Variants in MCC observed in about 807,000 individuals in gnomAD.
MCC encodes MCC regulator of Wnt signaling pathway, also known as colorectal mutant cancer protein.
MCC carries 90 observed loss-of-function variants against 116.2 expected under a neutral mutation model. The observed-to-expected ratio is 0.77, with a 90% CI of 0.65 to 0.92. The LOEUF is 0.92. MCC is among the 40% of genes least tolerant of loss of function. The pLI, the probability that MCC is intolerant of heterozygous loss-of-function variation, is 0.00. For synonymous variants in MCC, 578 were observed against 510.5 expected (o/e 1.13, Z -1.78); for missense variants, 1,516 against 1,312.2 (o/e 1.16, Z -2.40).
At chr5:113,100,520 G>A (rs1205234044) in intron 8 of MCC, among the ~76,000 whole-genome samples, 1 of 126,134 alleles carries the variant, frequency 7.9e-6, no homozygotes. Context: ...CGCCCAGGCT[G>A]GAGTGCAGTG....
intron 3 of MCC, among the ~76,000 whole-genome samples, chr5:113,216,189 G>A (rs943593670): frequency 2.0e-5 from 3 of 152,100 alleles, no homozygotes; most frequent in Admixed American, 1.3e-4. Flanking sequence ...CATATACCCT[G>A]CAAAAACTGT....
At chr5:113,427,396 A>G (rs1770513070) in intron 1 of MCC, among the ~76,000 whole-genome samples, 1 of 152,220 alleles carries the variant, frequency 6.6e-6, no homozygotes, top group East Asian at 1.9e-4. Context: ...CATGGAAGAA[A>G]CATACTGTTG....
At chr5:113,203,145 C>G (rs770565950) in intron 3 of MCC, 5 of 152,286 alleles carry the variant, frequency 3.3e-5, no homozygotes, top group Non-Finnish European at 7.3e-5. Context: ...AGGGCTCCCT[C>G]TTGCCCCACC....
At chr5:113,293,710 A>C (rs1720489680) in intron 3 of MCC, among the ~76,000 whole-genome samples, 1 of 152,188 alleles carries the variant, frequency 6.6e-6, no homozygotes, top group African/African-American at 2.4e-5. Context: ...CAGGAATTGC[A>C]AATGCGCTTG....
chr5:113,128,111 T>C (rs763426519), intron 5 of MCC, among the ~76,000 whole-genome samples: 1 of 152,274 alleles, frequency 6.6e-6, no homozygotes, highest in Non-Finnish European at 1.5e-5. Flanking sequence ...CTTACTATGC[T>C]ATCTAGACTT....
At chr5:113,154,201 T>C (rs965867499) in intron 3 of MCC, among the ~76,000 whole-genome samples, 5 of 152,246 alleles carry the variant, frequency 3.3e-5, no homozygotes, top group African/African-American at 1.2e-4. Flanking sequence ...GTGACTGTTT[T>C]CTGCATATGC....
chr5:113,074,747 G>A (rs566483733), intron 11 of MCC, among the ~76,000 whole-genome samples: 1 of 152,356 alleles, frequency 6.6e-6, no homozygotes, highest in Admixed American at 6.5e-5. Context: ...GCATGCAAAA[G>A]CTTCAGTAGC....
intron 3 of MCC, among the ~76,000 whole-genome samples, chr5:113,297,561 T>C (rs1345245151): frequency 1.3e-5 from 2 of 149,318 alleles, no homozygotes; most frequent in Non-Finnish European, 3.0e-5. Context: ...TGAGACACCA[T>C]CTCAAAAAAA....
intron 5 of MCC, among the ~76,000 whole-genome samples, chr5:113,126,244 C>T (rs1229195208): frequency 6.6e-6 from 1 of 152,208 alleles, no homozygotes; most frequent in East Asian, 1.9e-4. Context: ...AGATTGTACA[C>T]TTGCCTATGT....
chr5:113,109,251 G>C (rs1581079894), intron 6 of MCC, among the ~76,000 whole-genome samples: 1 of 152,174 alleles, frequency 6.6e-6, no homozygotes, highest in East Asian at 1.9e-4. Flanking sequence ...GTAGCCAAAA[G>C]GTGGAAGTAG....
chr5:113,053,124 C>A (rs1013238838), intron 15 of MCC, among the ~76,000 whole-genome samples: 2 of 152,172 alleles, frequency 1.3e-5, no homozygotes, highest in Non-Finnish European at 2.9e-5. Context: ...GGGACACCAG[C>A]TTTCCAAGAA....
chr5:113,050,390 C>T (rs1752410379), intron 15 of MCC, among the ~76,000 whole-genome samples: 1 of 152,128 alleles, frequency 6.6e-6, no homozygotes, highest in South Asian at 2.1e-4. Flanking sequence ...TTCTCACAAC[C>T]CCCGAAGTCA....
chr5:113,065,108 G>A lies in MCC; in HGVS notation c.2030-941C>T, dbSNP rs1180536070. ...CAGTGAAGCTACTCTGTATGATACTGTAACCGTGGACTCAAGTTGTTATAC... is the reference window on the plus strand; with the variant it reads ...CAGTGAAGCTACTCTGTATGATACTATAACCGTGGACTCAAGTTGTTATAC... On this transcript the variant is annotated intron_variant, in intron 13 of 18. Transcript: ENST00000408903. Among the ~76,000 whole-genome samples, 4 of 152,192 alleles carry A rather than the reference G, an allele frequency of 2.6e-5. No individual in the cohort carries two copies. In the South Asian group the frequency reaches 6.2e-4, roughly 24 times the overall value.
intron 1 of MCC, among the ~76,000 whole-genome samples, chr5:113,429,446 C>T (rs150456055): frequency 6.6e-6 from 1 of 152,296 alleles, no homozygotes; most frequent in African/African-American, 2.4e-5. Flanking sequence ...ATTTAAACCA[C>T]CTAGTCTATG....
intron 3 of MCC, among the ~76,000 whole-genome samples, chr5:113,241,953 A>G (rs1295426442): frequency 1.3e-5 from 2 of 152,240 alleles, no homozygotes; most frequent in Admixed American, 6.5e-5. Context: ...TAGGAAAAAA[A>G]CAGGTGGCCA....
chr5:113,168,005 A>G (rs1310009887), intron 3 of MCC, among the ~76,000 whole-genome samples: 1 of 152,148 alleles, frequency 6.6e-6, no homozygotes, highest in African/African-American at 2.4e-5. Context: ...TAACAATTGA[A>G]CCTATCTCAT....
At chr5:113,136,001 C>T (rs578262063) in intron 5 of MCC, among the ~76,000 whole-genome samples, 7 of 151,422 alleles carry the variant, frequency 4.6e-5, no homozygotes, top group South Asian at 2.1e-4. Flanking sequence ...GCCCAGATTG[C>T]GCCACTGCAC....
chr5:113,054,698 A>G (rs917592437), intron 14 of MCC, among the ~76,000 whole-genome samples: 1 of 152,216 alleles, frequency 6.6e-6, no homozygotes, highest in Non-Finnish European at 1.5e-5. Context: ...TAGTCTGAGT[A>G]TAGTGTTCAC....
chr5:113,389,223 C>G (rs139447897), intron 1 of MCC, among the ~76,000 whole-genome samples: 1 of 152,190 alleles, frequency 6.6e-6, no homozygotes, highest in Non-Finnish European at 1.5e-5. Context: ...CCATACGCCA[C>G]CTTGCCAGGT....
Sources: gnomAD v4.1 joint callset for allele counts (sites outside exome capture counted in the v4.1 genomes callset) on GRCh38, gnomAD v4.1.1 for gene constraint, MANE v1.5 for transcripts, NCBI Gene and HGNC (gene_info 2026-07-23, HGNC 2026-07-21) for gene names.